NELL2: variants seen among roughly 807,000 people sequenced by gnomAD.
The protein encoded by NELL2 is protein kinase C-binding protein NELL2.
A neutral mutation model predicts 109.6 loss-of-function variants in NELL2; 41 were observed. That is an observed-to-expected ratio of 0.37 (90% confidence interval 0.29 to 0.49). The LOEUF (loss-of-function observed/expected upper bound fraction) is 0.49. Among genes scored for constraint, NELL2 ranks in the 20% least tolerant of loss-of-function variants. The pLI is 0.98. For missense variants in NELL2, 900 were observed against 1,008.3 expected (o/e 0.89, Z 1.45); for synonymous variants, 355 against 344.7 (o/e 1.03, Z -0.33).
At position 44,780,042 on chromosome 12, in the gene NELL2, A is replaced by G. The variant is rs768315110; in HGVS notation, c.336-20T>C. ...AGGTACCTGCAGAGAGAAGAGCCAC[A>G]TGGGACACATTAAAAATAAAGTTCA... On this transcript the variant is annotated intron_variant, in intron 3 of 19. Transcript: ENST00000429094. 1 of 1,608,552 alleles carries G rather than the reference A, an allele frequency of 6.2e-7. No homozygotes were observed. Among genetic ancestry groups the G allele is most frequent in the Non-Finnish European group, 8.5e-7 (1 of 1,177,496 alleles).
intron 9 of NELL2, among the ~76,000 whole-genome samples, chr12:44,740,355 G>T (rs1314880594): frequency 2.6e-5 from 4 of 152,100 alleles, no homozygotes; most frequent in African/African-American, 9.7e-5. Context: ...CACAGAGGAG[G>T]GCAGAAAAAA....
At position 44,906,132 on chromosome 12, in the gene NELL2, G is replaced by C. The variant is rs969558186; in HGVS notation, c.38+7667C>G. ...AGACCTGAAGGAGGCAAGGAGGTGA[G>C]CTATGACGATATCTTAGGGAAGAGG... On this transcript the variant is annotated intron_variant, in intron 1 of 20. Coordinates refer to the NELL2 transcript ENST00000333837. Among the ~76,000 whole-genome samples, 4 of 152,132 alleles carry C rather than the reference G, an allele frequency of 2.6e-5. No homozygotes were observed. The East Asian group carries it at 7.7e-4, about 29-fold the overall frequency.
intron 13 of NELL2, among the ~76,000 whole-genome samples, chr12:44,622,181 GCACT>G (rs1946084512): frequency 6.6e-6 from 1 of 152,038 alleles, no homozygotes; most frequent in Non-Finnish European, 1.5e-5. Flanking sequence ...AGAGTTCATT[GCACT>G]CACTCAGAAT....
At chr12:44,791,231 G>A (rs571739403) in intron 3 of NELL2, among the ~76,000 whole-genome samples, 831 of 36,796 alleles carry the variant, frequency 0.023, 55 homozygotes, top group African/African-American at 0.067. Flanking sequence ...TATATATGAT[G>A]GAATACTACT....
chr12:44,528,909 A>C (rs574473032), intron 16 of NELL2, among the ~76,000 whole-genome samples: 1 of 152,242 alleles, frequency 6.6e-6, no homozygotes, highest in Non-Finnish European at 1.5e-5. Context: ...CAGTACATGC[A>C]AAGAAATCTG....
chr12:44,793,361 T>C (rs1942503491), intron 3 of NELL2, among the ~76,000 whole-genome samples: 1 of 152,190 alleles, frequency 6.6e-6, no homozygotes, highest in African/African-American at 2.4e-5. Context: ...ATTCAACTAA[T>C]GAGTTCTATA....
chr12:44,912,425 C>A (rs888245378), intron 1 of NELL2, among the ~76,000 whole-genome samples: 1 of 152,026 alleles, frequency 6.6e-6, no homozygotes, highest in Non-Finnish European at 1.5e-5. Context: ...CTTCTCTGCA[C>A]CTCTTAATAT....
At chr12:44,807,087 A>T (rs1025183128) in intron 3 of NELL2, among the ~76,000 whole-genome samples, 13 of 151,706 alleles carry the variant, frequency 8.6e-5, no homozygotes, top group Non-Finnish European at 1.8e-4. Context: ...TTTCAAAAAA[A>T]GAAAAAAATC....
At chr12:44,540,780 C>CAAAAAAAAAAAAAA (rs1565895508) in intron 15 of NELL2, among the ~76,000 whole-genome samples, 2 of 7,926 alleles carry the variant, frequency 2.5e-4, no homozygotes, top group Admixed American at 1.2e-3. Flanking sequence ...AGTCTGCAAG[C>CAAAAAAAAAAAAAA]CAAAAAAAAA....
Position 44,610,977 on chromosome 12 carries a change from T to C in NELL2, c.1445-7A>G. The C allele has an allele frequency of 4.3e-6, 7 of 1,611,300 alleles. No individual in the cohort carries two copies. Among genetic ancestry groups the C allele is most frequent in the Non-Finnish European group, 5.9e-6 (7 of 1,178,076 alleles). ...GTGATACACTCATCATGTTCTGAAA[T>C]GAGGAATACAATTTTGTTACTCAAA... On this transcript the variant is annotated splice_polypyrimidine_tract_variant and splice_region_variant and intron_variant, in intron 13 of 19. Transcript: ENST00000429094.
intron 2 of NELL2, among the ~76,000 whole-genome samples, chr12:44,865,193 C>A (rs1944955357): frequency 9.4e-6 from 1 of 106,638 alleles, no homozygotes; most frequent in South Asian, 4.2e-4. Context: ...TGTTCATGTC[C>A]TTCGCCCACT....
rs570868886 is a variant in NELL2, at chr12:44,743,414, T to C, written c.995-28673A>G. Among the ~76,000 whole-genome samples the C allele has an allele frequency of 3.3e-5, 5 of 152,250 alleles. No homozygotes were observed. The East Asian group carries it at 7.7e-4, about 24-fold the overall frequency. On this transcript the variant is annotated intron_variant, in intron 9 of 19. Transcript: ENST00000429094. ...TCAACTAACGAGCAAAATAACCAGC[T>C]AACATCATAATGACAGGATCAAATT... is the stretch of plus-strand genomic sequence containing the variant.
chr12:44,905,559 A>G (rs1348827214), intron 1 of NELL2, among the ~76,000 whole-genome samples: 1 of 152,138 alleles, frequency 6.6e-6, no homozygotes, highest in African/African-American at 2.4e-5. Context: ...AGCATGGGAA[A>G]ATAGATAAAA....
intron 2 of NELL2, chr12:44,874,993 GACTATCCATTAGA>G (rs370027838): frequency 6.2e-4 from 298 of 480,112 alleles, no homozygotes; most frequent in African/African-American, 5.5e-3. Context: ...GTAATTAAGG[GACTATCCATTAGA>G]ACTGGCAAGA....
intron 15 of NELL2, among the ~76,000 whole-genome samples, chr12:44,594,304 A>G (rs985664315): frequency 4.6e-5 from 7 of 151,034 alleles, no homozygotes; most frequent in African/African-American, 1.7e-4. Context: ...AAAATATATT[A>G]TATATATATA....
chr12:44,715,395 T>C (rs1283271232), intron 9 of NELL2, among the ~76,000 whole-genome samples: 2 of 151,396 alleles, frequency 1.3e-5, no homozygotes, highest in African/African-American at 2.4e-5. Context: ...TAAAAATGCA[T>C]AGAGTATCAA....
At position 44,622,795 on chromosome 12, in the gene NELL2, G is replaced by T. The variant is rs550506698; in HGVS notation, c.1445-11825C>A. On this transcript the variant is annotated intron_variant, in intron 13 of 19. Coordinates refer to ENST00000429094, the MANE Select transcript of NELL2 (RefSeq NM_001145108.2). The stretch of plus-strand genomic sequence containing the variant: ...AACCTATCAGTGTTTTCATTCAGGG[G>T]CTTAATTTTAAAACGAGCTTCATTA... 2.6e-4 allele frequency among the ~76,000 whole-genome samples: 40 copies of T among 152,162 alleles called. 1 individual carries two copies. Among genetic ancestry groups the T allele is most frequent in the Middle Eastern group, 6.8e-3 (2 of 294 alleles).
intron 13 of NELL2, among the ~76,000 whole-genome samples, chr12:44,652,159 CA>C (rs2136318157): frequency 6.6e-6 from 1 of 152,256 alleles, no homozygotes; most frequent in East Asian, 1.9e-4. Context: ...TCATTCTCAA[CA>C]ATCCTGCATT....
In NELL2 at chr12:44,861,301, C is replaced by T. The variant is rs538674320; in HGVS notation, c.184+13924G>A. 4.1e-4 allele frequency among the ~76,000 whole-genome samples: 63 copies of T among 152,306 alleles called. 1 individual carries two copies. The South Asian group carries it at 0.013, about 31-fold the overall frequency. ...AGGCCTGACTCAGTAAAGCTCAACA[C>T]TAGGCACGACTCCACAGTCACAGAC... On this transcript the variant is annotated intron_variant, in intron 2 of 19. Coordinates refer to ENST00000429094, the MANE Select transcript of NELL2 (RefSeq NM_001145108.2).
Sources: allele counts gnomAD v4.1 joint callset (sites outside exome capture counted in the v4.1 genomes callset), GRCh38; gene constraint gnomAD v4.1.1; transcripts MANE v1.5; gene names NCBI Gene and HGNC (gene_info 2026-07-23, HGNC 2026-07-21).